Variants in CDH8 observed in about 807,000 individuals in gnomAD.
CDH8 encodes cadherin-8.
Under a neutral mutation model 68.1 loss-of-function variants are expected in CDH8, and 17 were observed. The observed-to-expected ratio is 0.25, with a 90% CI of 0.17 to 0.37. CDH8 has a LOEUF of 0.37. Among genes scored for constraint, CDH8 ranks in the 10% least tolerant of loss-of-function variants. The probability of loss-of-function intolerance (pLI) is 1.00; values close to 1 mark genes in which losing one functional copy is unlikely to be tolerated. For synonymous variants in CDH8, 372 were observed against 365.1 expected, an observed-to-expected ratio of 1.02 and a Z score of -0.21; for missense variants, 763 against 999.3, an observed-to-expected ratio of 0.76 and a Z score of 3.19.
chr16:61,953,683 C>T (rs1964930953), intron 2 of CDH8, among the ~76,000 whole-genome samples: 1 of 151,158 alleles, frequency 6.6e-6, no homozygotes, highest in Non-Finnish European at 1.5e-5. Flanking sequence ...GCCTGGGCAA[C>T]TTGGCAACAC....
At chr16:61,778,009 T>C (rs1952500096) in intron 8 of CDH8, among the ~76,000 whole-genome samples, 2 of 152,116 alleles carry the variant, frequency 1.3e-5, no homozygotes, top group South Asian at 4.1e-4. Context: ...AAGTGGGGGA[T>C]CTAGATAGGA....
intron 8 of CDH8, among the ~76,000 whole-genome samples, chr16:61,766,177 A>T (rs529417626): frequency 7.0e-6 from 1 of 142,186 alleles, no homozygotes; most frequent in Non-Finnish European, 1.5e-5. Flanking sequence ...AATGTGTATT[A>T]TACCAGTCTA....
chr16:61,960,091 G>T (rs559162683), intron 2 of CDH8, among the ~76,000 whole-genome samples: 1 of 116,668 alleles, frequency 8.6e-6, no homozygotes, highest in Non-Finnish European at 1.9e-5. Context: ...ACATATATGT[G>T]TGTGTGTATA....
Position 61,652,348 on chromosome 16 carries a change from T to A in CDH8, c.*1260A>T, listed in dbSNP as rs1963340160. Reference sequence around the variant, plus strand: ...AAAACTGTGGGGGTAAATTGAAGCATGTTTATTGGGCAGGGCATGATGTAG... The same window carrying A: ...AAAACTGTGGGGGTAAATTGAAGCAAGTTTATTGGGCAGGGCATGATGTAG... On this transcript the variant is annotated 3_prime_UTR_variant, in exon 12 of 12. Transcript: ENST00000577390. 1.0e-6 allele frequency: 1 copy of A among 984,580 alleles called. No homozygotes were observed. The allele number at this position is 984,580 out of a possible 1,614,324, so 61.0% of individuals were successfully genotyped here.
At chr16:61,814,742 T>C (rs1165206190) in intron 7 of CDH8, among the ~76,000 whole-genome samples, 2 of 152,140 alleles carry the variant, frequency 1.3e-5, no homozygotes, top group African/African-American at 4.8e-5. Flanking sequence ...TCTAAAAAGG[T>C]TAAATGGCTC....
In CDH8 at chr16:61,857,251, A is replaced by T; in HGVS notation, c.548-13T>A. 1 of 1,606,680 alleles carries T rather than the reference A, an allele frequency of 6.2e-7. No homozygotes were observed. Among genetic ancestry groups the T allele is most frequent in the Middle Eastern group, 1.7e-4 (1 of 6,040 alleles). On this transcript the variant is annotated splice_polypyrimidine_tract_variant and intron_variant, in intron 3 of 11. Transcript: ENST00000577390. ...GTGACAGATGTACCTAATAAAATAG[A>T]GAAAGAAAAAAGATAATAATTAACA...
intron 10 of CDH8, among the ~76,000 whole-genome samples, chr16:61,699,136 A>G (rs1964377350): frequency 6.6e-6 from 1 of 152,122 alleles, no homozygotes; most frequent in Non-Finnish European, 1.5e-5. Context: ...GGTACTAAAA[A>G]TCTCTGCTAC....
chr16:61,683,281 G>C (rs1463133107), intron 10 of CDH8, among the ~76,000 whole-genome samples: 4 of 151,816 alleles, frequency 2.6e-5, no homozygotes, highest in African/African-American at 9.7e-5. Flanking sequence ...AGGACTATTA[G>C]AAATATTAAA....
intron 4 of CDH8, among the ~76,000 whole-genome samples, chr16:61,830,675 C>T (rs528141483): frequency 4.6e-5 from 7 of 151,876 alleles, no homozygotes; most frequent in African/African-American, 1.4e-4. Flanking sequence ...TGTTCAGAAG[C>T]TCACATAAGT....
chr16:61,910,467 A>G (rs1396808735), intron 2 of CDH8, among the ~76,000 whole-genome samples: 1 of 152,138 alleles, frequency 6.6e-6, no homozygotes, highest in Non-Finnish European at 1.5e-5. Flanking sequence ...AAGACAAGCA[A>G]AGATTTAAAA....
chr16:61,653,416 T>C lies in CDH8; in HGVS notation c.*192A>G, dbSNP rs1963367956. 7.2e-7 allele frequency: 1 copy of C among 1,385,154 alleles called. No homozygotes were observed. The highest frequency in any genetic ancestry group is 1.9e-5 in the South Asian group (1 of 53,974). The allele number at this position is 1,385,154 out of a possible 1,614,324, so 85.8% of individuals were successfully genotyped here. A position where few individuals can be genotyped will look rare whatever the true frequency, so the allele number is the denominator to read the frequency against. On this transcript the variant is annotated 3_prime_UTR_variant, in exon 12 of 12. Transcript: ENST00000577390. ...ATACTTAATTCACACTCCACAAGATTTATAACCTCCTAACATATACTTTTT... is the reference window on the plus strand; with the variant it reads ...ATACTTAATTCACACTCCACAAGATCTATAACCTCCTAACATATACTTTTT...
Position 61,821,133 on chromosome 16 carries a change from A to T in CDH8, c.836-20T>A. 1 of 1,578,048 alleles carries T rather than the reference A, an allele frequency of 6.3e-7. No homozygotes were observed. Among genetic ancestry groups the T allele is most frequent in the Admixed American group, 1.8e-5 (1 of 56,204 alleles). ...ACAGGCCTTTAAAAAGAGGAGAAAC[A>T]ATGAGAGTCACACAAATTCCAACCA... On this transcript the variant is annotated intron_variant, in intron 5 of 11. Transcript: ENST00000577390.
At chr16:61,691,546 C>T (rs1299885015) in intron 10 of CDH8, among the ~76,000 whole-genome samples, 1 of 151,700 alleles carries the variant, frequency 6.6e-6, no homozygotes, top group Non-Finnish European at 1.5e-5. Flanking sequence ...TTGAGAACCT[C>T]GGACTTTAGA....
At position 61,981,648 on chromosome 16, in the gene CDH8, A is replaced by ATGTGTGTG. The variant is rs750036103; in HGVS notation, c.252+39496_252+39503dup. ...TCTTTTGAGCTGAACCTTGAAAAGA[A>ATGTGTGTG]TGTGTGTGTGTGTGTGTGTGTGTGT... On this transcript the variant is annotated intron_variant, in intron 2 of 11. Transcript: ENST00000577390. Among the ~76,000 whole-genome samples the ATGTGTGTG allele has an allele frequency of 3.6e-3, 523 of 146,824 alleles. 2 individuals carry two copies. Among genetic ancestry groups the ATGTGTGTG allele is most frequent in the East Asian group, 0.011 (54 of 4,820 alleles).
At chr16:61,873,202 A>C (rs1963401048) in intron 3 of CDH8, among the ~76,000 whole-genome samples, 1 of 152,212 alleles carries the variant, frequency 6.6e-6, no homozygotes, top group Non-Finnish European at 1.5e-5. Flanking sequence ...AATAATAAAA[A>C]GATTAATTAT....
intron 7 of CDH8, among the ~76,000 whole-genome samples, chr16:61,796,913 A>T (rs1567474579): frequency 6.6e-6 from 1 of 152,102 alleles, no homozygotes; most frequent in Non-Finnish European, 1.5e-5. Flanking sequence ...AGTGGTTGAG[A>T]ATAGGTCAAA....
chr16:61,830,074 A>G (rs1962423352), intron 4 of CDH8, among the ~76,000 whole-genome samples: 1 of 151,872 alleles, frequency 6.6e-6, no homozygotes, highest in Non-Finnish European at 1.5e-5. Flanking sequence ...AAATAGCCTT[A>G]CTATTCTCTT....
At chr16:61,828,365 T>C (rs1962386773) in intron 4 of CDH8, among the ~76,000 whole-genome samples, 1 of 151,894 alleles carries the variant, frequency 6.6e-6, no homozygotes, top group African/African-American at 2.4e-5. Flanking sequence ...ATCCATTCTT[T>C]TATTCCTTTA....
chr16:61,658,969 T>C (rs1963503444), intron 10 of CDH8, among the ~76,000 whole-genome samples: 1 of 152,196 alleles, frequency 6.6e-6, no homozygotes, highest in Non-Finnish European at 1.5e-5. Flanking sequence ...TTTATTGTGA[T>C]AGTAAACCTG....
Sources: gnomAD v4.1 joint callset for allele counts (sites outside exome capture counted in the v4.1 genomes callset) on GRCh38, gnomAD v4.1.1 for gene constraint, MANE v1.5 for transcripts, NCBI Gene and HGNC (gene_info 2026-07-23, HGNC 2026-07-21) for gene names.